Variants in IGSF10 observed in about 807,000 individuals in gnomAD.
IGSF10 encodes the protein calvaria mechanical force protein 608.
A neutral mutation model predicts 128.2 loss-of-function variants in IGSF10; 126 were observed. The observed-to-expected ratio is 0.98, with a 90% confidence interval of 0.85 to 1.14. The LOEUF (loss-of-function observed/expected upper bound fraction) is 1.14, where lower values mean the gene tolerates loss of function less well. IGSF10 is among the 50% of genes most tolerant of loss of function. IGSF10 has a pLI of 0.00. For missense variants in IGSF10, 3,295 were observed against 3,149.8 expected, an observed-to-expected ratio of 1.05 and a Z score of -1.10; for synonymous variants, 1,185 against 1,146.2, an observed-to-expected ratio of 1.03 and a Z score of -0.68.
chr3:151,614,175 G>A, the IGSF10 span, among the ~76,000 whole-genome samples: 1 of 152,144 alleles, frequency 6.6e-6, no homozygotes, highest in Non-Finnish European at 1.5e-5. Flanking sequence ...GAAACAACAG[G>A]TGCTGGAGGG....
chr3:151,546,203 G>C, the IGSF10 span, among the ~76,000 whole-genome samples: 2 of 151,804 alleles, frequency 1.3e-5, no homozygotes, highest in African/African-American at 4.8e-5. Flanking sequence ...TGTTGGCAAG[G>C]CTCAGGGGGT....
Position 151,453,608 on chromosome 3 carries a change from T to C in IGSF10, c.491A>G (p.Gln164Arg). 1 of 1,614,064 alleles carries C rather than the reference T, an allele frequency of 6.2e-7. No individual in the cohort carries two copies. ...TGTATCTGGGTGGAGCTTAGTGAGC[T>C]GATTTCCTTCCAAGTGCACCAGGCG... ...FLRLVHLEGN[Q>R]LTKLHPDTFV... The change falls in exon 5 of 8, where the codon CAG (glutamine) becomes CGG (arginine). Residue 164 changes from glutamine to arginine, a missense_variant. Gln to Arg is a conservative substitution (Grantham distance 43). Transcript: ENST00000282466.
chr3:151,508,408 C>G, the IGSF10 span, among the ~76,000 whole-genome samples: 1 of 151,960 alleles, frequency 6.6e-6, no homozygotes, highest in Non-Finnish European at 1.5e-5. Context: ...ATTAATAAGA[C>G]AAAGTATTTT....
the IGSF10 span, among the ~76,000 whole-genome samples, chr3:151,541,803 TGTCTGG>T: frequency 5.9e-5 from 9 of 152,140 alleles, no homozygotes; most frequent in Non-Finnish European, 1.2e-4. Context: ...GATAGATGTA[TGTCTGG>T]GGCCCAAGCT....
At chr3:151,609,046 A>G in the IGSF10 span, among the ~76,000 whole-genome samples, 3 of 152,206 alleles carry the variant, frequency 2.0e-5, no homozygotes, top group South Asian at 6.2e-4. Flanking sequence ...ATTCTGATAA[A>G]CAGTGAAGAC....
At chr3:151,586,523 A>C in the IGSF10 span, among the ~76,000 whole-genome samples, 2 of 152,210 alleles carry the variant, frequency 1.3e-5, no homozygotes, top group African/African-American at 4.8e-5. Flanking sequence ...AGAGAATATG[A>C]AGCATGTAAT....
the IGSF10 span, among the ~76,000 whole-genome samples, chr3:151,585,855 C>T: frequency 6.6e-6 from 1 of 152,058 alleles, no homozygotes; most frequent in Non-Finnish European, 1.5e-5. Flanking sequence ...AATTTAAATA[C>T]CATTACCTGG....
At chr3:151,602,097 T>C in the IGSF10 span, among the ~76,000 whole-genome samples, 1 of 152,236 alleles carries the variant, frequency 6.6e-6, no homozygotes, top group East Asian at 1.9e-4. Context: ...GGAAGCAGCC[T>C]AGAGGAATAT....
chr3:151,509,673 C>T, the IGSF10 span, among the ~76,000 whole-genome samples: 5 of 152,176 alleles, frequency 3.3e-5, no homozygotes, highest in South Asian at 2.1e-4. Flanking sequence ...TGAAGCAGGG[C>T]GAGGCATCGC....
the IGSF10 span, chr3:151,476,288 TGTATCG>T: frequency 6.6e-6 from 1 of 152,324 alleles, no homozygotes; most frequent in East Asian, 1.9e-4. Context: ...GTAAGGTTCT[TGTATCG>T]GTTTGAACCC....
chr3:151,542,357 A>C, the IGSF10 span, among the ~76,000 whole-genome samples: 2 of 152,158 alleles, frequency 1.3e-5, no homozygotes, highest in African/African-American at 2.4e-5. Flanking sequence ...CTTTAACATA[A>C]GTAGAATTCA....
the IGSF10 span, among the ~76,000 whole-genome samples, chr3:151,492,357 A>G: frequency 1.1e-4 from 17 of 152,192 alleles, no homozygotes; most frequent in African/African-American, 3.9e-4. Flanking sequence ...AAGAAATCAT[A>G]AATGTTGGCG....
chr3:151,530,025 T>A, the IGSF10 span, among the ~76,000 whole-genome samples: 1 of 151,818 alleles, frequency 6.6e-6, no homozygotes, highest in Non-Finnish European at 1.5e-5. Flanking sequence ...AATGACCTGA[T>A]GGAGCTGAAA....
chr3:151,561,689 A>G, the IGSF10 span, among the ~76,000 whole-genome samples: 1 of 152,186 alleles, frequency 6.6e-6, no homozygotes, highest in Non-Finnish European at 1.5e-5. Flanking sequence ...AAGAAGCAAA[A>G]TAATATATAC....
At chr3:151,444,529 T>G (rs1260776387) in intron 6 of IGSF10, among the ~76,000 whole-genome samples, 3 of 152,152 alleles carry the variant, frequency 2.0e-5, no homozygotes, top group Admixed American at 2.0e-4. Context: ...AGGCTGATCC[T>G]GAACTCCTGA....
chr3:151,562,552 A>C, the IGSF10 span, among the ~76,000 whole-genome samples: 1 of 152,120 alleles, frequency 6.6e-6, no homozygotes, highest in Non-Finnish European at 1.5e-5. Context: ...TAAAGATGAC[A>C]CATACTGTTC....
the IGSF10 span, among the ~76,000 whole-genome samples, chr3:151,471,475 G>T: frequency 6.6e-6 from 1 of 152,214 alleles, no homozygotes; most frequent in African/African-American, 2.4e-5. Context: ...TACCCAAAAT[G>T]AGTTAATAGA....
Position 151,436,774 on chromosome 3 carries a change from TG to T in IGSF10, c.7786del (p.Gln2596LysfsTer27). The T allele has an allele frequency of 6.2e-7, 1 of 1,614,158 alleles. No individual in the cohort carries two copies. Among genetic ancestry groups the T allele is most frequent in the Non-Finnish European group, 8.5e-7 (1 of 1,179,984 alleles). ...TTTGTATATCCCAGAATCGGAGGTTTGGGGATTCTGAATGACTAGGGTACCT... is the reference window on the plus strand; with the variant it reads ...TTTGTATATCCCAGAATCGGAGGTTTGGGATTCTGAATGACTAGGGTACCT... ...LQGTLVIQNP[Q>X]TSDSGIYKCT... On this transcript the variant is annotated frameshift_variant, in exon 8 of 8. Transcript: ENST00000282466. LOFTEE classifies it low-confidence loss of function (END_TRUNC).
chr3:151,540,261 C>G, the IGSF10 span, among the ~76,000 whole-genome samples: 1 of 152,032 alleles, frequency 6.6e-6, no homozygotes, highest in African/African-American at 2.4e-5. Flanking sequence ...AAAAACAGAA[C>G]ATTACCATTT....
Sources: gnomAD v4.1 joint callset for allele counts (sites outside exome capture counted in the v4.1 genomes callset) on GRCh38, gnomAD v4.1.1 for gene constraint, MANE v1.5 for transcripts, NCBI Gene and HGNC (gene_info 2026-07-23, HGNC 2026-07-21) for gene names.